PTMA: variants seen among roughly 807,000 people sequenced by gnomAD.
The protein encoded by PTMA is prothymosin alpha, also known as gene sequence 28.
Under a neutral mutation model 16.9 loss-of-function variants are expected in PTMA, and 4 were observed. The ratio of observed to expected loss-of-function variants is 0.24; its 90% CI spans 0.12 to 0.54. PTMA has a LOEUF of 0.54. Ranked by LOEUF, PTMA falls within the 20% of genes least tolerant of loss-of-function variation. The probability of loss-of-function intolerance (pLI) is 0.95; values close to 1 mark genes in which losing one functional copy is unlikely to be tolerated. For missense variants in PTMA, 120 were observed against 137.7 expected, an observed-to-expected ratio of 0.87 and a Z score of 0.64; for synonymous variants, 58 against 47.9, an observed-to-expected ratio of 1.21 and a Z score of -0.87.
At chr2:231,708,905 T>A (rs899650557) in intron 1 of PTMA, among the ~76,000 whole-genome samples, 154 bp downstream of exon 1, 1 of 151,834 alleles carries the variant, frequency 6.6e-6, no homozygotes, top group Non-Finnish European at 1.5e-5. Context: ...CAGCCCACTC[T>A]TTGTGTGGTG....
chr2:231,711,912 A>G lies in PTMA; in HGVS notation c.140A>G (p.Glu47Gly), dbSNP rs1406740841. 6.2e-7 allele frequency: 1 copy of G among 1,611,260 alleles called. No homozygotes were observed. The highest frequency in any genetic ancestry group is 1.3e-5 in the African/African-American group (1 of 74,956). Residue 47 changes from glutamate (E) to glycine (G), a missense_variant, in exon 3 of 5, where the codon GAG (glutamate) becomes GGG (glycine). Coordinates refer to ENST00000409115, the MANE Select transcript of PTMA (RefSeq NM_002823.5). ...GNANEENGEQ[E>G]ADNEVDEEEE... Reference sequence around the variant, plus strand: ...GAGAATGAGGAAAATGGGGAGCAGGAGGCTGACAATGAGGTAGACGAAGAA... The same window carrying G: ...GAGAATGAGGAAAATGGGGAGCAGGGGGCTGACAATGAGGTAGACGAAGAA...
In PTMA at chr2:231,712,794, C is replaced by T. The variant is rs1031941273; in HGVS notation, c.286-10C>T. ...GTTGGAGGGGCCTTTGACAGTCTTT[C>T]TCTGCTTAGGATGACGATGTCGATA... On this transcript the variant is annotated splice_polypyrimidine_tract_variant and intron_variant, in intron 4 of 4. Coordinates refer to ENST00000409115, the MANE Select transcript of PTMA (RefSeq NM_002823.5). 1.3e-6 allele frequency: 2 copies of T among 1,593,278 alleles called. No individual in the cohort carries two copies. The highest frequency in any genetic ancestry group is 1.3e-5 in the African/African-American group (1 of 74,450).
chr2:231,710,412 C>T lies in PTMA; in HGVS notation c.46-936C>T. The T allele has an allele frequency of 6.1e-6, 7 of 1,147,294 alleles. No individual in the cohort carries two copies. The South Asian group carries it at 2.2e-4, about 36-fold the overall frequency. 71.1% of individuals were successfully genotyped at this position (1,147,294 alleles called of 1,614,324 possible). A position where few individuals can be genotyped will look rare whatever the true frequency, so the allele number is the denominator to read the frequency against. On this transcript the variant is annotated intron_variant, in intron 1 of 4. Transcript: ENST00000409115. Reference sequence around the variant, plus strand: ...GGGATGCGCGCCTGCGCGCCGCGACCTCCCTGCCCCCACTGCTCCCCGGGG... The same window carrying T: ...GGGATGCGCGCCTGCGCGCCGCGACTTCCCTGCCCCCACTGCTCCCCGGGG...
chr2:231,708,854 C>A, intron 1 of PTMA, 103 bp downstream of exon 1: 1 of 1,380,568 alleles, frequency 7.2e-7, no homozygotes, highest in Non-Finnish European at 9.8e-7. Flanking sequence ...GTTGCTCCCT[C>A]TCGCGGGGAA....
rs751899799 is a variant in PTMA, at chr2:231,712,490, G to A, written c.259G>A (p.Gly87Ser). ...DEDEEAESAT[G>S]KRAAEDDEDD... ...AGATGAGGAAGCTGAGTCAGCTACGGGCAAGCGGGCAGCTGAAGATGATGA... is the reference window on the plus strand; with the variant it reads ...AGATGAGGAAGCTGAGTCAGCTACGAGCAAGCGGGCAGCTGAAGATGATGA... Residue 87 changes from glycine (G) to serine (S), a missense_variant, in exon 4 of 5, where the codon GGC becomes AGC. Physicochemically the swap from Gly to Ser is moderately conservative, Grantham distance 56. Coordinates refer to ENST00000409115, the MANE Select transcript of PTMA (RefSeq NM_002823.5). 9.3e-6 allele frequency: 15 copies of A among 1,614,198 alleles called. No homozygotes were observed. The highest frequency in any genetic ancestry group is 2.5e-6 in the Non-Finnish European group (3 of 1,180,036).
At chr2:231,711,017 GGCTCGTCCAC>G (rs1310491293) in intron 1 of PTMA, 1 of 268,136 alleles carries the variant, frequency 3.7e-6, no homozygotes, top group Non-Finnish European at 7.3e-6. Flanking sequence ...GAGTGTCCGG[GGCTCGTCCAC>G]CCGGCCGGAC....
intron 1 of PTMA, chr2:231,710,353 G>T (rs1304727299): frequency 3.3e-6 from 4 of 1,210,020 alleles, no homozygotes; most frequent in Middle Eastern, 3.2e-4. Flanking sequence ...CGCGCGGTGC[G>T]TGCCGAGGCC....
At chr2:231,708,904 CTT>C (rs1039149056) in intron 1 of PTMA, among the ~76,000 whole-genome samples, 153 bp downstream of exon 1, 115 of 152,302 alleles carry the variant, frequency 7.6e-4, no homozygotes, top group African/African-American at 1.1e-3. Context: ...GCAGCCCACT[CTT>C]TGTGTGGTGC....
intron 1 of PTMA, chr2:231,709,940 G>T: frequency 3.2e-6 from 2 of 623,638 alleles, no homozygotes; most frequent in Non-Finnish European, 4.5e-6. Flanking sequence ...GGAGCTCGGG[G>T]CCCGGATCTC....
intron 2 of PTMA, 63 bp downstream of exon 2, chr2:231,711,482 A>C (rs1325432893): frequency 6.9e-7 from 1 of 1,451,984 alleles, no homozygotes; most frequent in Non-Finnish European, 9.7e-7. Flanking sequence ...TTCCTGTTCT[A>C]CTTTAAACAT....
chr2:231,711,251 C>G (rs2048514708), intron 1 of PTMA, 97 bp from the exon 2 acceptor site: 2 of 960,366 alleles, frequency 2.1e-6, no homozygotes, highest in African/African-American at 1.6e-5. Context: ...TTGGGACGGA[C>G]AGAACAGCCG....
At chr2:231,709,851 G>A (rs2048493601) in intron 1 of PTMA, 1 of 238,264 alleles carries the variant, frequency 4.2e-6, no homozygotes, top group Non-Finnish European at 8.0e-6. Context: ...GGATTGGCGC[G>A]AGTCACCTTG....
chr2:231,708,784 CCGCGCGCCGCCGCTCGGGCGGTGTTT>C, intron 1 of PTMA, 33 bp downstream of exon 1: 1 of 1,594,708 alleles, frequency 6.3e-7, no homozygotes, highest in East Asian at 2.2e-5. Flanking sequence ...CCCTCGGGGT[CCGCGCGCCGCCGCTCGGGCGGTGTTT>C]GGCGCGCAGC....
intron 1 of PTMA, chr2:231,710,245 C>T (rs769369741): frequency 8.3e-6 from 11 of 1,331,760 alleles, no homozygotes; most frequent in African/African-American, 1.5e-5. Context: ...GGCCGACCGA[C>T]GCGCGACCCG....
At chr2:231,710,845 C>G (rs538272713) in intron 1 of PTMA, among the ~76,000 whole-genome samples, 12 of 152,356 alleles carry the variant, frequency 7.9e-5, no homozygotes, top group African/African-American at 2.4e-4. Flanking sequence ...CTGGCCGGGG[C>G]GGTGCGGCCT....
At chr2:231,710,518 A>T in intron 1 of PTMA, 1 of 894,624 alleles carries the variant, frequency 1.1e-6, no homozygotes, top group Non-Finnish European at 1.6e-6. Flanking sequence ...GAGGGCCGAC[A>T]GGTGGCCCGG....
intron 4 of PTMA, 72 bp from the exon 5 acceptor site, chr2:231,712,732 C>CA (rs2048534254): frequency 6.6e-7 from 1 of 1,524,502 alleles, no homozygotes; most frequent in Non-Finnish European, 8.9e-7. Flanking sequence ...GCTCTGCCAG[C>CA]AGGAGCTGAG....
At chr2:231,711,603 C>T (rs1459394882) in intron 2 of PTMA, 184 bp downstream of exon 2, 12 of 737,798 alleles carry the variant, frequency 1.6e-5, no homozygotes, top group Middle Eastern at 5.2e-4. Flanking sequence ...TTTATAAAAA[C>T]CTTTCGAGCA....
Position 231,711,833 on chromosome 2 carries a change from C to T in PTMA, c.118-57C>T, listed in dbSNP as rs866180083. 72 of 1,593,630 alleles carry T rather than the reference C, an allele frequency of 4.5e-5. 2 individuals are homozygous for T. In the African/African-American group the frequency reaches 6.8e-4, roughly 15 times the overall value. ...GTGGGAGGCCGGGCATCAGGAGCAACGCTCTGTCCAGCCTGGGGCCAGCTG... is the reference window on the plus strand; with the variant it reads ...GTGGGAGGCCGGGCATCAGGAGCAATGCTCTGTCCAGCCTGGGGCCAGCTG... On this transcript the variant is annotated intron_variant, in intron 2 of 4. Transcript: ENST00000409115.
Sources: gnomAD v4.1 joint callset for allele counts (sites outside exome capture counted in the v4.1 genomes callset) on GRCh38, gnomAD v4.1.1 for gene constraint, MANE v1.5 for transcripts, NCBI Gene and HGNC (gene_info 2026-07-23, HGNC 2026-07-21) for gene names.